SCD5: variants seen among roughly 807,000 people sequenced by gnomAD.
The protein encoded by SCD5 is acyl-CoA-desaturase 4.
In SCD5, 20 loss-of-function variants were observed where a neutral mutation model predicts 30.4. The ratio of observed to expected loss-of-function variants is 0.66; its 90% CI spans 0.46 to 0.96. The LOEUF (loss-of-function observed/expected upper bound fraction) is 0.96, where lower values mean the gene tolerates loss of function less well. Ranked by LOEUF, SCD5 falls within the 40% of genes least tolerant of loss-of-function variation. SCD5 has a pLI of 0.00. For synonymous variants in SCD5, 173 were observed against 176.4 expected, an observed-to-expected ratio of 0.98 and a Z score of 0.16; for missense variants, 381 against 443.3, an observed-to-expected ratio of 0.86 and a Z score of 1.26.
chr4:82,708,878 A>G (rs1158679988), intron 1 of SCD5, among the ~76,000 whole-genome samples: 1 of 152,112 alleles, frequency 6.6e-6, no homozygotes, highest in Admixed American at 6.5e-5. Flanking sequence ...CTCGCTTATA[A>G]TCTGTATCTC....
At chr4:82,665,015 A>ATATATATATATATATT (rs1728144743) in intron 3 of SCD5, among the ~76,000 whole-genome samples, 1 of 121,258 alleles carries the variant, frequency 8.2e-6, no homozygotes, top group Admixed American at 8.7e-5. Flanking sequence ...ATATATATAT[A>ATATATATATATATATT]TATATGTATA....
At position 82,693,384 on chromosome 4, in the gene SCD5, C is replaced by T. The variant is rs112168310; in HGVS notation, c.363+11899G>A. Among the ~76,000 whole-genome samples the T allele has an allele frequency of 3.6e-3, 543 of 152,248 alleles. 3 individuals carry two copies. Among genetic ancestry groups the T allele is most frequent in the African/African-American group, 9.6e-3 (399 of 41,538 alleles). ...TAAGCCAATCCCTTCAGTCCTACCA[C>T]TAAATTATATCTTGAATCTGCACAC... is the stretch of plus-strand genomic sequence containing the variant. On this transcript the variant is annotated intron_variant, in intron 2 of 4. Coordinates refer to ENST00000319540, the MANE Select transcript of SCD5 (RefSeq NM_001037582.3).
chr4:82,736,206 T>A (rs1266288599), intron 1 of SCD5, among the ~76,000 whole-genome samples: 4 of 151,842 alleles, frequency 2.6e-5, no homozygotes, highest in African/African-American at 9.7e-5. Flanking sequence ...GACGATCACT[T>A]GAGCCCAGGA....
rs575573976 is a variant in SCD5 at position 82,645,822 on chromosome 4, G to T, written c.570-8999C>A. Among the ~76,000 whole-genome samples, 54 of 152,364 alleles carry T rather than the reference G, an allele frequency of 3.5e-4. 1 individual carries two copies. The highest frequency in any genetic ancestry group is 3.4e-3 in the Middle Eastern group (1 of 294). ...AGTCTTGAAACAAAAAATGTATTTT[G>T]TGGAGAAGAAAGGATTTGGGATTTC... On this transcript the variant is annotated intron_variant, in intron 3 of 4. Transcript: ENST00000319540.
chr4:82,676,233 C>G (rs576417087), intron 3 of SCD5, among the ~76,000 whole-genome samples: 9 of 152,242 alleles, frequency 5.9e-5, no homozygotes, highest in Middle Eastern at 3.4e-3. Flanking sequence ...CTCTACTGAC[C>G]CTGCAGTGCT....
At chr4:82,657,728 T>C (rs1727893768) in intron 3 of SCD5, among the ~76,000 whole-genome samples, 1 of 152,232 alleles carries the variant, frequency 6.6e-6, no homozygotes, top group South Asian at 2.1e-4. Flanking sequence ...TTTCTATCCA[T>C]GAACATGGAA....
chr4:82,631,139 A>AAAC lies in SCD5; in HGVS notation c.*187_*188insGTT. On this transcript the variant is annotated 3_prime_UTR_variant, in exon 5 of 5. Transcript: ENST00000319540. Reference sequence around the variant, plus strand: ...AACAAAACAAACAAAAAAAAAAACGAAAGTTTTTTCATTGATAATTGTATT... The same window carrying AAAC: ...AACAAAACAAACAAAAAAAAAAACGAAACAAGTTTTTTCATTGATAATTGTATT... The AAAC allele has an allele frequency of 3.9e-6, 2 of 509,278 alleles. No individual in the cohort carries two copies. The highest frequency in any genetic ancestry group is 3.3e-6 in the Non-Finnish European group (1 of 301,442). 31.5% of individuals were successfully genotyped at this position (509,278 alleles called of 1,614,324 possible).
At chr4:82,663,341 A>C (rs568214386) in intron 3 of SCD5, among the ~76,000 whole-genome samples, 1 of 152,308 alleles carries the variant, frequency 6.6e-6, no homozygotes, top group East Asian at 1.9e-4. Context: ...CTCGGACACA[A>C]AAGAGTTTGT....
chr4:82,701,970 G>A (rs1019541193), intron 2 of SCD5, among the ~76,000 whole-genome samples: 2 of 152,008 alleles, frequency 1.3e-5, no homozygotes, highest in African/African-American at 4.8e-5. Flanking sequence ...AAATTATAAG[G>A]AAGTTGCAAG....
intron 2 of SCD5, among the ~76,000 whole-genome samples, chr4:82,686,628 C>G (rs1037206667): frequency 6.6e-6 from 1 of 151,964 alleles, no homozygotes; most frequent in Non-Finnish European, 1.5e-5. Context: ...TTAAATAGTA[C>G]TTGTGTGTGT....
At chr4:82,729,614 T>G (rs890940649) in intron 1 of SCD5, among the ~76,000 whole-genome samples, 1 of 121,092 alleles carries the variant, frequency 8.3e-6, no homozygotes, top group Non-Finnish European at 1.7e-5. Flanking sequence ...ATTTTAAACA[T>G]ATCTTCTTGA....
At chr4:82,727,551 T>G (rs545476546) in intron 1 of SCD5, among the ~76,000 whole-genome samples, 1 of 152,186 alleles carries the variant, frequency 6.6e-6, no homozygotes, top group East Asian at 1.9e-4. Flanking sequence ...TCTCTTTTAG[T>G]CTTTTCAGAA....
intron 3 of SCD5, among the ~76,000 whole-genome samples, chr4:82,648,486 G>T (rs1184965977): frequency 6.6e-6 from 1 of 152,010 alleles, no homozygotes; most frequent in Non-Finnish European, 1.5e-5. Context: ...TGCCTAAGAG[G>T]TATCTCATGG....
At chr4:82,648,540 G>C (rs2868385) in intron 3 of SCD5, among the ~76,000 whole-genome samples, 1 of 644 alleles carries the variant, frequency 1.6e-3, no homozygotes, top group Admixed American at 0.022. Flanking sequence ...CTCTGTGTTG[G>C]TTTCCAAGAG....
intron 1 of SCD5, among the ~76,000 whole-genome samples, chr4:82,733,080 G>T (rs1269948101): frequency 6.6e-6 from 1 of 152,170 alleles, no homozygotes; most frequent in East Asian, 1.9e-4. Context: ...CCTATGAGGG[G>T]TTAAGCGCTA....
chr4:82,721,501 A>G (rs1186221542), intron 1 of SCD5, among the ~76,000 whole-genome samples: 1 of 152,256 alleles, frequency 6.6e-6, no homozygotes. Context: ...ACGTGGAGGT[A>G]GGGTGTTTAC....
chr4:82,781,810 T>C (rs368411862), intron 1 of SCD5, among the ~76,000 whole-genome samples: 202 of 152,230 alleles, frequency 1.3e-3, no homozygotes, highest in African/African-American at 4.7e-3. Context: ...CACCTTCCAG[T>C]ATTATGGAAA....
Position 82,723,389 on chromosome 4 carries a change from T to C in SCD5, c.233-17976A>G, listed in dbSNP as rs899459574. 3.9e-5 allele frequency among the ~76,000 whole-genome samples: 6 copies of C among 152,222 alleles called. No homozygotes were observed. In the East Asian group the frequency reaches 5.8e-4, roughly 15 times the overall value. On this transcript the variant is annotated intron_variant, in intron 1 of 4. Coordinates refer to ENST00000319540, the MANE Select transcript of SCD5 (RefSeq NM_001037582.3). Reference sequence around the variant, plus strand: ...CTTTTAAAAGACTTGTTTTTTCTTATTGGGCAGCAGAGAACTTTTATTTTC... The same window carrying C: ...CTTTTAAAAGACTTGTTTTTTCTTACTGGGCAGCAGAGAACTTTTATTTTC...
intron 1 of SCD5, among the ~76,000 whole-genome samples, chr4:82,714,454 G>T (rs1206118068): frequency 2.0e-5 from 3 of 152,064 alleles, no homozygotes; most frequent in Non-Finnish European, 2.9e-5. Flanking sequence ...TGGGTGACAG[G>T]GACTCTGAAG....
Sources: allele counts gnomAD v4.1 joint callset (sites outside exome capture counted in the v4.1 genomes callset), GRCh38; gene constraint gnomAD v4.1.1; transcripts MANE v1.5; gene names NCBI Gene and HGNC (gene_info 2026-07-23, HGNC 2026-07-21).